TENT4B: variants seen among roughly 807,000 people sequenced by gnomAD.
TENT4B encodes PAP associated domain containing 5.
Under a neutral mutation model 75.0 loss-of-function variants are expected in TENT4B, and 10 were observed. The ratio of observed to expected loss-of-function variants is 0.13; its 90% CI spans 0.08 to 0.23. The LOEUF (loss-of-function observed/expected upper bound fraction) is 0.23, where lower values mean the gene tolerates loss of function less well. Among genes scored for constraint, TENT4B ranks in the 10% least tolerant of loss-of-function variants. The pLI, the probability that TENT4B is intolerant of heterozygous loss-of-function variation, is 1.00. For missense variants in TENT4B, 579 were observed against 893.8 expected, an observed-to-expected ratio of 0.65 and a Z score of 4.49; for synonymous variants, 350 against 357.7, an observed-to-expected ratio of 0.98 and a Z score of 0.24.
Position 50,154,009 on chromosome 16 carries a change from T to TCCTCGCCTC in TENT4B, c.394_402dup (p.Pro132_Ser134dup). 6.5e-7 allele frequency: 1 copy of TCCTCGCCTC among 1,533,598 alleles called. No homozygotes were observed. The highest frequency in any genetic ancestry group is 1.2e-5 in the South Asian group (1 of 83,818). The allele number at this position is 1,533,598 out of a possible 1,614,324, so 95.0% of individuals were successfully genotyped here. On this transcript the variant is annotated inframe_insertion, in exon 1 of 12. Transcript: ENST00000561678. ...GGCCCGCCGGGCGGGCTCCTCGGCG[T>TCCTCGCCTC]CCTCGCCTCCCTCGGCGTCCTCGTC... is the stretch of plus-strand genomic sequence containing the variant.
At chr16:50,153,055 T>A (rs1460252582), upstream of TENT4B, 1 of 1,483,220 alleles carries the variant, frequency 6.7e-7, no homozygotes. Context: ...ACTCCACAGA[T>A]GGCGCAAGTA....
intron 3 of TENT4B, among the ~76,000 whole-genome samples, chr16:50,215,681 G>A (rs988603601): frequency 3.3e-5 from 5 of 152,154 alleles, no homozygotes; most frequent in Non-Finnish European, 7.3e-5. Context: ...CTGGATACCT[G>A]TTCTGCATCC....
At chr16:50,164,966 A>T (rs2038071376) in intron 1 of TENT4B, among the ~76,000 whole-genome samples, 1 of 151,768 alleles carries the variant, frequency 6.6e-6, no homozygotes, top group South Asian at 2.1e-4. Flanking sequence ...AGCTGGGAGG[A>T]TCGCTTGAGA....
At chr16:50,228,076 A>T in intron 11 of TENT4B, 73 bp downstream of exon 11, 1 of 1,518,726 alleles carries the variant, frequency 6.6e-7, no homozygotes. Context: ...TGTAAATAAT[A>T]TGCAGCATGG....
chr16:50,220,386 C>A (rs1002743826), intron 5 of TENT4B, among the ~76,000 whole-genome samples: 1 of 151,316 alleles, frequency 6.6e-6, no homozygotes, highest in Non-Finnish European at 1.5e-5. Flanking sequence ...TGCTATGTTG[C>A]CCAAGCTGTT....
chr16:50,195,832 T>C (rs2030197339), intron 1 of TENT4B, among the ~76,000 whole-genome samples: 1 of 152,332 alleles, frequency 6.6e-6, no homozygotes, highest in East Asian at 1.9e-4. Flanking sequence ...TCTTATTTTG[T>C]CCATAGGTCT....
intron 10 of TENT4B, among the ~76,000 whole-genome samples, chr16:50,226,511 A>G (rs1312884536): frequency 6.6e-6 from 1 of 151,960 alleles, no homozygotes; most frequent in African/African-American, 2.4e-5. Context: ...GGCTCACTGC[A>G]AGCTCCGCCT....
intron 10 of TENT4B, 139 bp from the exon 11 acceptor site, chr16:50,227,700 A>T: frequency 1.1e-6 from 1 of 904,606 alleles, no homozygotes; most frequent in South Asian, 1.8e-5. Context: ...CAAACAGTTA[A>T]TTTTTTGTGT....
At chr16:50,215,768 C>T (rs17214761) in intron 3 of TENT4B, among the ~76,000 whole-genome samples, 6,058 of 152,222 alleles carry the variant, frequency 0.04, 148 homozygotes, top group African/African-American at 0.057. Flanking sequence ...TCTAGTACCA[C>T]AAGCGTTTAT....
chr16:50,153,297 C>T (rs999745197), upstream of TENT4B, among the ~76,000 whole-genome samples: 4 of 145,292 alleles, frequency 2.8e-5, no homozygotes, highest in African/African-American at 5.0e-5. Flanking sequence ...GCCGCCGCCG[C>T]CGCTCGCTCT....
intron 5 of TENT4B, among the ~76,000 whole-genome samples, chr16:50,220,258 G>A (rs948716916): frequency 6.6e-6 from 1 of 152,014 alleles, no homozygotes; most frequent in African/African-American, 2.4e-5. Flanking sequence ...GCAGTGCTGG[G>A]ATTACAGGCG....
chr16:50,233,520 G>C lies in TENT4B; in HGVS notation c.*4192G>C. 1.0e-6 allele frequency: 1 copy of C among 984,840 alleles called. No homozygotes were observed. Among genetic ancestry groups the C allele is most frequent in the Non-Finnish European group, 1.2e-6 (1 of 829,718 alleles). 61.0% of individuals were successfully genotyped at this position (984,840 alleles called of 1,614,324 possible). ...GACTTTTCTTTTTTTTTTGGTCAAA[G>C]ATAATGAGCTAAATATATATAGACG... is the stretch of plus-strand genomic sequence containing the variant. On this transcript the variant is annotated 3_prime_UTR_variant, in exon 12 of 12. Transcript: ENST00000561678.
intron 6 of TENT4B, among the ~76,000 whole-genome samples, chr16:50,222,797 C>T (rs1329841803): frequency 6.6e-6 from 1 of 152,074 alleles, no homozygotes; most frequent in Non-Finnish European, 1.5e-5. Context: ...GAATTGAGAC[C>T]AGCTATTTGG....
rs1313496475 is a variant in TENT4B, at chr16:50,229,229, G to A, written c.2043G>A (p.Met681Ile). ...CTCAAACAAGCCATGGTTCCTTGAT[G>A]ACAAACAAACAACATCAAGGCAAAT... is the stretch of plus-strand genomic sequence containing the variant. ...GTTQTSHGSL[M>I]TNKQHQGKSN... is the part of the protein sequence containing the mutation. Residue 681 changes from methionine (M) to isoleucine (I), a missense_variant, in exon 12 of 12, where the codon ATG (methionine) becomes ATA (isoleucine). Physicochemically the swap from Met to Ile is conservative, Grantham distance 10. This residue lies in a region of TENT4B where 164 missense variants were observed against 226.5 expected (regional missense o/e 0.72). Transcript: ENST00000561678. The A allele has an allele frequency of 1.9e-6, 3 of 1,613,872 alleles. No individual in the cohort carries two copies. Among genetic ancestry groups the A allele is most frequent in the Non-Finnish European group, 2.5e-6 (3 of 1,179,848 alleles).
At chr16:50,162,033 T>A (rs1281403694) in intron 1 of TENT4B, among the ~76,000 whole-genome samples, 3 of 152,226 alleles carry the variant, frequency 2.0e-5, no homozygotes, top group Non-Finnish European at 4.4e-5. Context: ...ATTTTGAGAA[T>A]GTTATATAAA....
At chr16:50,189,176 A>C (rs1052967866) in intron 1 of TENT4B, among the ~76,000 whole-genome samples, 3 of 152,110 alleles carry the variant, frequency 2.0e-5, no homozygotes, top group African/African-American at 7.2e-5. Context: ...TAGAGATAGG[A>C]TGTTTGTATT....
chr16:50,229,511 C>G lies in TENT4B; in HGVS notation c.*183C>G. 1 of 1,209,920 alleles carries G rather than the reference C, an allele frequency of 8.3e-7. No individual in the cohort carries two copies. The highest frequency in any genetic ancestry group is 1.0e-6 in the Non-Finnish European group (1 of 978,516). The allele number at this position is 1,209,920 out of a possible 1,614,324, so 74.9% of individuals were successfully genotyped here. A position where few individuals can be genotyped will look rare whatever the true frequency, so the allele number is the denominator to read the frequency against. On this transcript the variant is annotated 3_prime_UTR_variant, in exon 12 of 12. Coordinates refer to ENST00000561678, the MANE Select transcript of TENT4B (RefSeq NM_001365324.3). ...ACTGACAACTGCAAAAAAAACAAAA[C>G]AAAACAAAAAAAAAAGCAAGCAAAA...
At chr16:50,206,652 G>T (rs1008009527) in intron 1 of TENT4B, among the ~76,000 whole-genome samples, 1 of 152,018 alleles carries the variant, frequency 6.6e-6, no homozygotes, top group Non-Finnish European at 1.5e-5. Context: ...AGAGGGGCTG[G>T]CCGTGGGTCA....
At chr16:50,172,393 C>A (rs191391664) in intron 1 of TENT4B, among the ~76,000 whole-genome samples, 1 of 151,860 alleles carries the variant, frequency 6.6e-6, no homozygotes. Flanking sequence ...CCCACCTGTA[C>A]GGTGTGCTGA....
Sources: gnomAD v4.1 joint callset for allele counts (sites outside exome capture counted in the v4.1 genomes callset) on GRCh38, gnomAD v4.1.1 for gene constraint, gnomAD v4.1.1 regional missense constraint, MANE v1.5 for transcripts, NCBI Gene and HGNC (gene_info 2026-07-23, HGNC 2026-07-21) for gene names.